CCDC148: variants seen among roughly 807,000 people sequenced by gnomAD.
CCDC148 encodes coiled-coil domain-containing protein 148.
Under a neutral mutation model 85.7 loss-of-function variants are expected in CCDC148, and 89 were observed. That is an observed-to-expected ratio of 1.04 (90% CI 0.87 to 1.24). The LOEUF is 1.24. Ranked by LOEUF, CCDC148 falls within the 50% of genes most tolerant of loss-of-function variation. The probability of loss-of-function intolerance (pLI) is 0.00; values close to 1 mark genes in which losing one functional copy is unlikely to be tolerated. For missense variants in CCDC148, 692 were observed against 671.7 expected (o/e 1.03, Z -0.33); for synonymous variants, 230 against 213.9 (o/e 1.08, Z -0.66).
At chr2:158,281,115 C>T (rs1690269094) in intron 9 of CCDC148, among the ~76,000 whole-genome samples, 1 of 152,064 alleles carries the variant, frequency 6.6e-6, no homozygotes, top group Non-Finnish European at 1.5e-5. Flanking sequence ...ATCTCTGGGA[C>T]ACATTCAAAG....
chr2:158,325,739 G>C (rs1692737067), intron 7 of CCDC148, among the ~76,000 whole-genome samples: 1 of 152,136 alleles, frequency 6.6e-6, no homozygotes, highest in Admixed American at 6.6e-5. Context: ...CATCTAAGTT[G>C]ATGGCAACTC....
intron 1 of CCDC148, among the ~76,000 whole-genome samples, chr2:158,438,300 G>C (rs1230236290): frequency 6.6e-6 from 1 of 152,106 alleles, no homozygotes; most frequent in African/African-American, 2.4e-5. Context: ...GAACAGAACA[G>C]AGCCCTCAGA....
intron 7 of CCDC148, among the ~76,000 whole-genome samples, chr2:158,332,311 C>G (rs1225078086): frequency 6.6e-6 from 1 of 151,376 alleles, no homozygotes; most frequent in Non-Finnish European, 1.5e-5. Flanking sequence ...AAATTCTTTT[C>G]TTTAAGAATG....
intron 9 of CCDC148, among the ~76,000 whole-genome samples, chr2:158,298,994 C>A (rs114829543): frequency 2.4e-4 from 36 of 152,084 alleles, no homozygotes; most frequent in African/African-American, 8.7e-4. Flanking sequence ...CAGTGTTGAG[C>A]CTTAGTCAGG....
intron 1 of CCDC148, among the ~76,000 whole-genome samples, chr2:158,452,315 A>G (rs1573849117): frequency 6.6e-6 from 1 of 152,178 alleles, no homozygotes; most frequent in South Asian, 2.1e-4. Context: ...TATGATAAAT[A>G]AGGGTTGTCT....
intron 10 of CCDC148, among the ~76,000 whole-genome samples, chr2:158,231,191 T>G (rs1476852457): frequency 1.3e-5 from 2 of 152,188 alleles, no homozygotes; most frequent in African/African-American, 2.4e-5. Context: ...AGGATGAGGA[T>G]GTGAACAGGA....
chr2:158,265,274 A>G (rs1233864301), intron 9 of CCDC148, among the ~76,000 whole-genome samples: 1 of 152,152 alleles, frequency 6.6e-6, no homozygotes, highest in African/African-American at 2.4e-5. Context: ...TCTCAGCTAG[A>G]AAAAGATGCT....
In CCDC148 at chr2:158,340,305, C is replaced by T. The variant is rs1191204501; in HGVS notation, c.423G>A (p.Gln141=). 3 of 1,613,728 alleles carry T rather than the reference C, an allele frequency of 1.9e-6. No homozygotes were observed. Among genetic ancestry groups the T allele is most frequent in the African/African-American group, 2.7e-5 (2 of 74,878 alleles). ...QQLRADLKYR[Q]HHTLQHSHPH... The stretch of plus-strand genomic sequence containing the variant: ...GGTGTGAATGCTGCAAAGTGTGATG[C>T]TGTCTGTATTTTAGATCTGCTCTCA... The change falls in exon 5 of 14, where the codon CAG becomes CAA. Residue 141 remains glutamine (Q), a synonymous_variant. Coordinates refer to ENST00000283233, the MANE Select transcript of CCDC148 (RefSeq NM_138803.4).
intron 1 of CCDC148, among the ~76,000 whole-genome samples, chr2:158,433,261 A>AATATATATACAT (rs1553521614): frequency 8.2e-6 from 1 of 122,552 alleles, no homozygotes; most frequent in Non-Finnish European, 1.8e-5. Context: ...CCTTGACTCA[A>AATATATATACAT]ATATATATAT....
Position 158,291,237 on chromosome 2 carries a change from GC to G in CCDC148, c.1110+18195del, listed in dbSNP as rs138564767. On this transcript the variant is annotated intron_variant, in intron 9 of 13. Coordinates refer to ENST00000283233, the MANE Select transcript of CCDC148 (RefSeq NM_138803.4). Reference sequence around the variant, plus strand: ...CGAGTGGCTGGTATTACAGGCATGTGCCACGGTCCCCAGGTCCCAGGCTGAT... The same window carrying G: ...CGAGTGGCTGGTATTACAGGCATGTGCACGGTCCCCAGGTCCCAGGCTGAT... 4.4e-3 allele frequency among the ~76,000 whole-genome samples: 664 copies of G among 152,196 alleles called. 4 individuals carry two copies. Among genetic ancestry groups the G allele is most frequent in the African/African-American group, 0.015 (617 of 41,516 alleles).
intron 1 of CCDC148, among the ~76,000 whole-genome samples, chr2:158,433,949 T>C (rs1687506632): frequency 6.6e-6 from 1 of 152,086 alleles, no homozygotes; most frequent in African/African-American, 2.4e-5. Flanking sequence ...TTGCTGAGGC[T>C]TGAGTAGGTA....
chr2:158,428,336 A>G (rs1687170727), intron 1 of CCDC148, among the ~76,000 whole-genome samples: 1 of 152,184 alleles, frequency 6.6e-6, no homozygotes, highest in East Asian at 1.9e-4. Context: ...ACGGAATAAG[A>G]AAAAGGAAAC....
intron 1 of CCDC148, among the ~76,000 whole-genome samples, chr2:158,417,369 G>A (rs1686547862): frequency 6.6e-6 from 1 of 152,200 alleles, no homozygotes. Flanking sequence ...GCCAGGAGCT[G>A]AGCTGATGGA....
chr2:158,342,021 CTTTTCTTTTTTTTT>C (rs1233356327), intron 3 of CCDC148, among the ~76,000 whole-genome samples: 1 of 85,624 alleles, frequency 1.2e-5, no homozygotes, highest in Non-Finnish European at 2.0e-5. Flanking sequence ...TCATTATTTT[CTTTTCTTTTTTTTT>C]TTTTTTTTTT....
intron 11 of CCDC148, among the ~76,000 whole-genome samples, chr2:158,182,207 T>C (rs1393072408): frequency 1.3e-5 from 2 of 151,874 alleles, no homozygotes; most frequent in Admixed American, 1.3e-4. Flanking sequence ...TCTTTACCAG[T>C]AGAACGGAAT....
At chr2:158,244,573 C>T (rs1559013551) in intron 10 of CCDC148, among the ~76,000 whole-genome samples, 1 of 152,146 alleles carries the variant, frequency 6.6e-6, no homozygotes, top group Admixed American at 6.6e-5. Flanking sequence ...ACATTCCTTG[C>T]CATGTGACTC....
At chr2:158,391,794 A>G (rs906055439) in intron 1 of CCDC148, among the ~76,000 whole-genome samples, 9 of 152,142 alleles carry the variant, frequency 5.9e-5, no homozygotes, top group Admixed American at 4.6e-4. Flanking sequence ...TAGCTTTGGG[A>G]CTGTGATTAC....
intron 9 of CCDC148, among the ~76,000 whole-genome samples, chr2:158,282,314 A>G (rs1690361875): frequency 6.6e-6 from 1 of 152,200 alleles, no homozygotes; most frequent in Non-Finnish European, 1.5e-5. Flanking sequence ...AGGGTATTCA[A>G]TTAGGAAAAG....
chr2:158,340,480 G>A, intron 4 of CCDC148, 87 bp from the exon 5 acceptor site: 2 of 1,492,264 alleles, frequency 1.3e-6, no homozygotes. Context: ...GATTTATTTG[G>A]GGATTTCCTT....
Sources: allele counts gnomAD v4.1 joint callset (sites outside exome capture counted in the v4.1 genomes callset), GRCh38; gene constraint gnomAD v4.1.1; transcripts MANE v1.5; gene names NCBI Gene and HGNC (gene_info 2026-07-23, HGNC 2026-07-21).